TMEM163: variants seen among roughly 807,000 people sequenced by gnomAD.
TMEM163 encodes the protein transmembrane protein 163.
A neutral mutation model predicts 29.3 loss-of-function variants in TMEM163; 17 were observed. That is an observed-to-expected ratio of 0.58 (90% CI 0.40 to 0.87). The LOEUF (loss-of-function observed/expected upper bound fraction) is 0.87. Among genes scored for constraint, TMEM163 ranks in the 40% least tolerant of loss-of-function variants. TMEM163 has a pLI of 0.00. For synonymous variants in TMEM163, 157 were observed against 160.6 expected, an observed-to-expected ratio of 0.98 and a Z score of 0.17; for missense variants, 303 against 381.5, an observed-to-expected ratio of 0.79 and a Z score of 1.71.
intron 4 of TMEM163, among the ~76,000 whole-genome samples, chr2:134,543,520 G>A (rs905785098): frequency 1.4e-4 from 21 of 152,310 alleles, no homozygotes; most frequent in Non-Finnish European, 1.8e-4. Context: ...GGGAAGAAGC[G>A]GGGAGAGACA....
chr2:134,563,949 G>A (rs1681237221), intron 2 of TMEM163, among the ~76,000 whole-genome samples: 2 of 152,164 alleles, frequency 1.3e-5, no homozygotes, highest in South Asian at 4.1e-4. Context: ...CTACTCGGGA[G>A]GCTGAGGCAG....
intron 4 of TMEM163, among the ~76,000 whole-genome samples, chr2:134,543,137 C>A (rs1037809013): frequency 1.3e-5 from 2 of 152,212 alleles, no homozygotes; most frequent in Middle Eastern, 3.4e-3. Flanking sequence ...AGGAACCAAG[C>A]CTACACTCCT....
intron 5 of TMEM163, among the ~76,000 whole-genome samples, chr2:134,498,354 C>CTTTTTTT (rs765734718): frequency 8.7e-6 from 1 of 115,470 alleles, no homozygotes; most frequent in Non-Finnish European, 1.8e-5. Context: ...TGCATGTGGG[C>CTTTTTTT]TTTTTTTTTT....
At chr2:134,649,948 T>C (rs899156252) in intron 2 of TMEM163, among the ~76,000 whole-genome samples, 8 of 140,622 alleles carry the variant, frequency 5.7e-5, no homozygotes, top group Non-Finnish European at 1.2e-4. Context: ...GAGGTTGCAG[T>C]GAGCCATGAT....
chr2:134,550,759 T>G lies in TMEM163; in HGVS notation c.367-98A>C, dbSNP rs1432018946. On this transcript the variant is annotated intron_variant, in intron 3 of 7. Transcript: ENST00000281924. ...TGTGCTGTGACTCAGAACATCTGCA[T>G]GAGTAAACTCTGAGCAAAGAGGTCT... 11 of 1,165,798 alleles carry G rather than the reference T, an allele frequency of 9.4e-6. No homozygotes were observed. In the East Asian group the frequency reaches 2.6e-4, roughly 28 times the overall value. The allele number at this position is 1,165,798 out of a possible 1,614,324, so 72.2% of individuals were successfully genotyped here. A position where few individuals can be genotyped will look rare whatever the true frequency, so the allele number is the denominator to read the frequency against.
At chr2:134,532,023 T>C (rs1045873087) in intron 4 of TMEM163, among the ~76,000 whole-genome samples, 4 of 152,196 alleles carry the variant, frequency 2.6e-5, no homozygotes, top group African/African-American at 9.7e-5. Context: ...TAGGAGTTGT[T>C]ATGCCAGGAA....
intron 5 of TMEM163, among the ~76,000 whole-genome samples, chr2:134,499,830 G>C (rs1679661993): frequency 6.6e-6 from 1 of 152,174 alleles, no homozygotes; most frequent in Non-Finnish European, 1.5e-5. Context: ...CTGTGACACA[G>C]AGGCCCTAAA....
intron 2 of TMEM163, among the ~76,000 whole-genome samples, chr2:134,677,789 G>T (rs768315281): frequency 9.2e-5 from 14 of 152,174 alleles, no homozygotes; most frequent in Non-Finnish European, 1.6e-4. Context: ...AATTAACTCT[G>T]TAATCTTTGT....
chr2:134,645,515 T>G (rs947157418), intron 2 of TMEM163, among the ~76,000 whole-genome samples: 3 of 152,212 alleles, frequency 2.0e-5, no homozygotes, highest in African/African-American at 7.2e-5. Flanking sequence ...AGAACCTGTA[T>G]GCAAGTATTT....
At chr2:134,658,424 T>C (rs765195701) in intron 2 of TMEM163, among the ~76,000 whole-genome samples, 1 of 152,190 alleles carries the variant, frequency 6.6e-6, no homozygotes, top group Non-Finnish European at 1.5e-5. Context: ...ATGTATAATA[T>C]GAAAAATTAA....
intron 2 of TMEM163, among the ~76,000 whole-genome samples, chr2:134,571,605 C>A (rs1289144847): frequency 6.6e-6 from 1 of 152,178 alleles, no homozygotes; most frequent in East Asian, 1.9e-4. Context: ...AGCATATAGT[C>A]ACACCCATGG....
At chr2:134,496,254 G>T (rs1188985156) in intron 5 of TMEM163, among the ~76,000 whole-genome samples, 2 of 151,994 alleles carry the variant, frequency 1.3e-5, no homozygotes, top group Non-Finnish European at 2.9e-5. Flanking sequence ...TAGAGACAGG[G>T]TTTCACCATA....
At chr2:134,482,646 C>G (rs1679217802) in intron 5 of TMEM163, among the ~76,000 whole-genome samples, 1 of 152,144 alleles carries the variant, frequency 6.6e-6, no homozygotes. Context: ...TCACCACTTT[C>G]CCCACCCCCA....
At chr2:134,524,619 G>C (rs1680253888) in intron 4 of TMEM163, among the ~76,000 whole-genome samples, 1 of 150,268 alleles carries the variant, frequency 6.7e-6, no homozygotes, top group East Asian at 2.0e-4. Context: ...AGAACATGTG[G>C]TGTTCGGCTT....
intron 7 of TMEM163, 124 bp downstream of exon 7, chr2:134,457,908 C>T: frequency 6.8e-7 from 1 of 1,480,526 alleles, no homozygotes; most frequent in South Asian, 1.3e-5. Flanking sequence ...ACTGGTCAGG[C>T]TCAGGAGGGG....
chr2:134,589,054 G>T (rs1449643507), intron 2 of TMEM163, among the ~76,000 whole-genome samples: 1 of 152,192 alleles, frequency 6.6e-6, no homozygotes, highest in East Asian at 1.9e-4. Flanking sequence ...GTCAAAGGCA[G>T]AGTATAACTA....
At chr2:134,641,789 A>G (rs1683225715) in intron 2 of TMEM163, among the ~76,000 whole-genome samples, 1 of 152,178 alleles carries the variant, frequency 6.6e-6, no homozygotes, top group South Asian at 2.1e-4. Context: ...AACAGAGGCT[A>G]TAAGGATTGC....
chr2:134,621,204 A>G (rs966984158), intron 2 of TMEM163, among the ~76,000 whole-genome samples: 2 of 152,228 alleles, frequency 1.3e-5, no homozygotes, highest in South Asian at 2.1e-4. Context: ...GAAAACACAC[A>G]TGGCTAATAA....
chr2:134,699,580 A>C (rs1406193044), intron 2 of TMEM163, among the ~76,000 whole-genome samples: 1 of 152,344 alleles, frequency 6.6e-6, no homozygotes, highest in African/African-American at 2.4e-5. Flanking sequence ...GATATATTCT[A>C]CATCACATAT....
Sources: gnomAD v4.1 joint callset for allele counts (sites outside exome capture counted in the v4.1 genomes callset) on GRCh38, gnomAD v4.1.1 for gene constraint, MANE v1.5 for transcripts, NCBI Gene and HGNC (gene_info 2026-07-23, HGNC 2026-07-21) for gene names.